SLC35D4: variants seen among roughly 807,000 people sequenced by gnomAD.
The protein encoded by SLC35D4 is solute carrier family 35 member D4, also known as UDP-N-acetylglucosamine transporter SLC35D4.
the SLC35D4 span, among the ~76,000 whole-genome samples, chr18:23,404,321 T>C: frequency 1.3e-4 from 20 of 152,160 alleles, no homozygotes; most frequent in Admixed American, 1.3e-3. Flanking sequence ...AGTTGGTGTC[T>C]TGTGGGAAGT....
the SLC35D4 span, among the ~76,000 whole-genome samples, chr18:23,265,144 C>G: frequency 6.6e-6 from 1 of 152,202 alleles, no homozygotes; most frequent in Non-Finnish European, 1.5e-5. Flanking sequence ...AGGGCTGACT[C>G]TGCAGATCCC....
At chr18:23,411,549 GA>G in the SLC35D4 span, among the ~76,000 whole-genome samples, 41 of 150,540 alleles carry the variant, frequency 2.7e-4, no homozygotes, top group African/African-American at 9.8e-4. Flanking sequence ...AAGAAAGAAA[GA>G]AAGGTGTGTG....
the SLC35D4 span, among the ~76,000 whole-genome samples, chr18:23,426,212 C>G: frequency 1.3e-5 from 2 of 152,016 alleles, no homozygotes. Context: ...AAGAAACAAT[C>G]AATATATTTG....
the SLC35D4 span, among the ~76,000 whole-genome samples, chr18:23,299,513 TG>T: frequency 1.3e-5 from 2 of 152,204 alleles, no homozygotes; most frequent in Non-Finnish European, 2.9e-5. Flanking sequence ...TGGAAGCCAC[TG>T]GGGTTGGCGG....
chr18:23,396,764 C>T, the SLC35D4 span, among the ~76,000 whole-genome samples: 2 of 151,972 alleles, frequency 1.3e-5, no homozygotes, highest in African/African-American at 4.8e-5. Flanking sequence ...AAAGGCTGTG[C>T]TCTAGAGGAA....
chr18:23,411,933 G>C, the SLC35D4 span, among the ~76,000 whole-genome samples: 1 of 152,196 alleles, frequency 6.6e-6, no homozygotes, highest in Non-Finnish European at 1.5e-5. Flanking sequence ...AGCTCTTCAT[G>C]GGTGCTGAAA....
the SLC35D4 span, among the ~76,000 whole-genome samples, chr18:23,406,969 C>T: frequency 3.9e-5 from 6 of 152,094 alleles, no homozygotes; most frequent in Non-Finnish European, 8.8e-5. Context: ...CCATGCCATG[C>T]TAATTACCTT....
the SLC35D4 span, chr18:23,253,682 A>ACT: frequency 6.5e-7 from 1 of 1,529,410 alleles, no homozygotes. Flanking sequence ...GTCCACTGAA[A>ACT]CTCTAAGTTT....
At chr18:23,251,709 G>A in the SLC35D4 span, among the ~76,000 whole-genome samples, 1 of 152,158 alleles carries the variant, frequency 6.6e-6, no homozygotes, top group African/African-American at 2.4e-5. Flanking sequence ...AGACTTACTG[G>A]TTACCATTAT....
At chr18:23,315,789 C>T in the SLC35D4 span, among the ~76,000 whole-genome samples, 8 of 152,098 alleles carry the variant, frequency 5.3e-5, no homozygotes, top group East Asian at 1.9e-4. Context: ...ATGCCAGGGA[C>T]GATTCTAATT....
chr18:23,300,946 C>T, the SLC35D4 span, among the ~76,000 whole-genome samples: 1 of 152,212 alleles, frequency 6.6e-6, no homozygotes, highest in African/African-American at 2.4e-5. Flanking sequence ...TCAATTAATT[C>T]CTGTTGAGCT....
chr18:23,408,805 ATCTTATCTC>A, the SLC35D4 span, among the ~76,000 whole-genome samples: 2 of 147,746 alleles, frequency 1.4e-5, no homozygotes, highest in Non-Finnish European at 3.0e-5. Flanking sequence ...TGCTTTCTAT[ATCTTATCTC>A]TCTTTTTTTT....
chr18:23,282,457 T>A, the SLC35D4 span, among the ~76,000 whole-genome samples: 1 of 152,244 alleles, frequency 6.6e-6, no homozygotes, highest in Non-Finnish European at 1.5e-5. Context: ...GAGCACGGAA[T>A]GTCTGCCATC....
chr18:23,275,627 C>CCG, the SLC35D4 span, among the ~76,000 whole-genome samples: 4 of 143,878 alleles, frequency 2.8e-5, no homozygotes, highest in African/African-American at 1.0e-4. Context: ...CTGTGCTGTG[C>CCG]TGTGCTGTGC....
chr18:23,407,075 G>A, the SLC35D4 span, among the ~76,000 whole-genome samples: 2 of 152,160 alleles, frequency 1.3e-5, no homozygotes, highest in Non-Finnish European at 2.9e-5. Context: ...CTCCCAAAGT[G>A]CTGAGATTAC....
At chr18:23,283,639 G>A in the SLC35D4 span, among the ~76,000 whole-genome samples, 11 of 151,472 alleles carry the variant, frequency 7.3e-5, no homozygotes, top group African/African-American at 1.2e-4. Flanking sequence ...GAGAAACCCC[G>A]TCTCTACTAA....
At chr18:23,429,280 A>G in the SLC35D4 span, among the ~76,000 whole-genome samples, 1 of 152,218 alleles carries the variant, frequency 6.6e-6, no homozygotes, top group Admixed American at 6.5e-5. Context: ...ACTGCTTTCC[A>G]TAGGGGCTAA....
the SLC35D4 span, among the ~76,000 whole-genome samples, chr18:23,386,860 T>C: frequency 2.0e-4 from 30 of 152,326 alleles, 1 homozygote; most frequent in Admixed American, 1.8e-3. Context: ...TAGGTAGCCT[T>C]GACAAGGTGA....
chr18:23,364,900 C>A, the SLC35D4 span, among the ~76,000 whole-genome samples: 1 of 33,142 alleles, frequency 3.0e-5, no homozygotes, highest in African/African-American at 1.6e-4. Flanking sequence ...GAGACTCTGT[C>A]TCAAAAAAAA....
Sources: allele counts gnomAD v4.1 joint callset (sites outside exome capture counted in the v4.1 genomes callset), GRCh38; gene constraint gnomAD v4.1.1; transcripts MANE v1.5; gene names NCBI Gene and HGNC (gene_info 2026-07-23, HGNC 2026-07-21).